SDF2: variants seen among roughly 807,000 people sequenced by gnomAD.
The protein encoded by SDF2 is stromal cell derived factor 2.
SDF2 carries 12 observed loss-of-function variants against 20.5 expected under a neutral mutation model. The observed-to-expected ratio is 0.58, with a 90% confidence interval of 0.37 to 0.95. The LOEUF is 0.95. Ranked by LOEUF, SDF2 falls within the 40% of genes least tolerant of loss-of-function variation. The probability of loss-of-function intolerance (pLI) is 0.01; values close to 1 mark genes in which losing one functional copy is unlikely to be tolerated. For synonymous variants in SDF2, 100 were observed against 101.0 expected (o/e 0.99, Z 0.06); for missense variants, 238 against 263.1 (o/e 0.90, Z 0.66).
chr17:28,660,259 G>A (rs913418493), intron 1 of SDF2, among the ~76,000 whole-genome samples: 2 of 152,204 alleles, frequency 1.3e-5, no homozygotes, highest in Non-Finnish European at 2.9e-5. Flanking sequence ...ACAAGAGAGG[G>A]AGACGGAGAG....
intron 1 of SDF2, chr17:28,657,742 A>G (rs990591368): frequency 6.6e-6 from 1 of 152,172 alleles, no homozygotes; most frequent in Non-Finnish European, 1.5e-5. Context: ...GAAGCTGGGC[A>G]CAGTGGCTCA....
At chr17:28,651,671 A>G (rs965969906) in intron 2 of SDF2, 6 of 152,250 alleles carry the variant, frequency 3.9e-5, no homozygotes, top group African/African-American at 1.4e-4. Flanking sequence ...GCAGTGAGAG[A>G]GAAAGCAAGT....
At position 28,661,771 on chromosome 17, in the gene SDF2, G is replaced by C; in HGVS notation, c.106C>G (p.Arg36Gly). 6.2e-7 allele frequency: 1 copy of C among 1,614,028 alleles called. No homozygotes were observed. The highest frequency in any genetic ancestry group is 8.5e-7 in the Non-Finnish European group (1 of 1,179,986). ...TGTGAGTGCAGTCGGACGTTGTGGC[G>C]CGTATTGAGTAGCTTCACCACGGAG... Reference protein sequence around the residue: ...CGSVVKLLNTRHNVRLHSHDV... With the variant: ...CGSVVKLLNTGHNVRLHSHDV... Residue 36 changes from arginine (R) to glycine (G), a missense_variant, in exon 1 of 3, where the codon CGC (arginine) becomes GGC (glycine). Transcript: ENST00000247020.
intron 2 of SDF2, among the ~76,000 whole-genome samples, chr17:28,651,987 G>A (rs1279165963): frequency 2.0e-5 from 3 of 152,264 alleles, no homozygotes; most frequent in Admixed American, 1.3e-4. Flanking sequence ...GATCTATGTG[G>A]TAATGGATTA....
chr17:28,651,696 T>G (rs896866715), intron 2 of SDF2: 1 of 152,216 alleles, frequency 6.6e-6, no homozygotes, highest in Non-Finnish European at 1.5e-5. Flanking sequence ...TATATTCTAC[T>G]CCTCATCTAA....
rs979926878 is a variant in SDF2, at chr17:28,655,324, T to C, written c.311A>G (p.His104Arg). 11 of 1,614,128 alleles carry C rather than the reference T, an allele frequency of 6.8e-6. No individual in the cohort carries two copies. The highest frequency in any genetic ancestry group is 1.3e-5 in the African/African-American group (1 of 74,952). Residue 104 changes from histidine (H) to arginine (R), a missense_variant, in exon 2 of 3, where the codon CAT becomes CGT. Coordinates refer to ENST00000247020, the MANE Select transcript of SDF2 (RefSeq NM_006923.4). The part of the protein sequence containing the change: ...LTHVNTGRNL[H>R]SHHFTSPLSG... ...AAGAGGTGAAGTGAAGTGGTGACTA[T>C]GGAGGTTTCGGCCAGTGTTGACATG...
chr17:28,657,033 C>A (rs920438362), intron 1 of SDF2, among the ~76,000 whole-genome samples: 11 of 152,052 alleles, frequency 7.2e-5, no homozygotes, highest in African/African-American at 2.2e-4. Context: ...TCGAGACCAG[C>A]CTGGCCAATA....
chr17:28,658,244 T>C (rs1013675073), intron 1 of SDF2, among the ~76,000 whole-genome samples: 6 of 151,872 alleles, frequency 4.0e-5, no homozygotes, highest in African/African-American at 1.2e-4. Flanking sequence ...CATCTGTTTC[T>C]ACCTGTAGTT....
At chr17:28,658,040 T>C (rs2151584220) in intron 1 of SDF2, among the ~76,000 whole-genome samples, 1 of 152,264 alleles carries the variant, frequency 6.6e-6, no homozygotes, top group African/African-American at 2.4e-5. Flanking sequence ...TATATCTTTT[T>C]TCAGAAAAGG....
At chr17:28,653,272 A>G (rs2151581807) in intron 2 of SDF2, among the ~76,000 whole-genome samples, 1 of 152,368 alleles carries the variant, frequency 6.6e-6, no homozygotes, top group East Asian at 1.9e-4. Flanking sequence ...CCCTGATATG[A>G]TGGGATACAA....
In SDF2 at chr17:28,656,010, C is replaced by CA. The variant is rs113230648; in HGVS notation, c.152-528dup. ...ACAAATAAATTTGGTACCCATTCCT[C>CA]AAAAAAAAAAACAGCAAGTGAGCTC... is the stretch of plus-strand genomic sequence containing the variant. On this transcript the variant is annotated intron_variant, in intron 1 of 2. Coordinates refer to ENST00000247020, the MANE Select transcript of SDF2 (RefSeq NM_006923.4). The CA allele has an allele frequency of 4.2e-3, 611 of 144,522 alleles. 3 individuals carry two copies. The highest frequency in any genetic ancestry group is 7.7e-3 in the African/African-American group (304 of 39,296). The allele number at this position is 144,522 out of a possible 1,614,324, so 9.0% of individuals were successfully genotyped here.
At chr17:28,656,523 G>T (rs1188965608) in intron 1 of SDF2, among the ~76,000 whole-genome samples, 1 of 152,082 alleles carries the variant, frequency 6.6e-6, no homozygotes, top group East Asian at 1.9e-4. Flanking sequence ...GGGAGGTGGA[G>T]GTTGCAATGA....
chr17:28,658,356 A>G (rs2071986659), intron 1 of SDF2, among the ~76,000 whole-genome samples: 1 of 151,956 alleles, frequency 6.6e-6, no homozygotes, highest in Non-Finnish European at 1.5e-5. Context: ...GTCAGCAGAT[A>G]AACATGTGAA....
At chr17:28,657,153 G>C (rs1451101929) in intron 1 of SDF2, among the ~76,000 whole-genome samples, 1 of 151,566 alleles carries the variant, frequency 6.6e-6, no homozygotes, top group Non-Finnish European at 1.5e-5. Flanking sequence ...CTTGCATCCG[G>C]GAGGCGGAGG....
chr17:28,661,385 G>A (rs936760090), intron 1 of SDF2, among the ~76,000 whole-genome samples: 1 of 152,184 alleles, frequency 6.6e-6, no homozygotes, highest in Middle Eastern at 3.2e-3. Flanking sequence ...CCCCGACTTT[G>A]TCATTTGCTA....
intron 1 of SDF2, 124 bp from the exon 2 acceptor site, chr17:28,655,607 A>G: frequency 1.2e-6 from 1 of 807,280 alleles, no homozygotes; most frequent in Non-Finnish European, 2.0e-6. Context: ...CAAGGAAGAC[A>G]CGCTGCTGGA....
intron 2 of SDF2, 96 bp downstream of exon 2, chr17:28,655,191 T>C (rs993871138): frequency 3.6e-5 from 44 of 1,215,998 alleles, no homozygotes; most frequent in Non-Finnish European, 4.9e-5. Context: ...AAAGAGAACA[T>C]CTACACCTAG....
intron 1 of SDF2, 32 bp downstream of exon 1, chr17:28,661,694 C>G: frequency 6.2e-7 from 1 of 1,601,874 alleles, no homozygotes; most frequent in Non-Finnish European, 8.5e-7. Context: ...CGAGTCCTCC[C>G]TAGCCCACCC....
At chr17:28,650,328 G>T (rs569415930) in intron 2 of SDF2, among the ~76,000 whole-genome samples, 4 of 151,880 alleles carry the variant, frequency 2.6e-5, no homozygotes, top group Non-Finnish European at 4.4e-5. Flanking sequence ...AAAATTCATT[G>T]CTATAAGATT....
Sources: allele counts gnomAD v4.1 joint callset (sites outside exome capture counted in the v4.1 genomes callset), GRCh38; gene constraint gnomAD v4.1.1; transcripts MANE v1.5; gene names NCBI Gene and HGNC (gene_info 2026-07-23, HGNC 2026-07-21).